Variants in PHACTR3 observed in about 807,000 individuals in gnomAD.
The protein encoded by PHACTR3 is protein phosphatase 1, regulatory subunit 123.
A neutral mutation model predicts 66.8 loss-of-function variants in PHACTR3; 16 were observed. The ratio of observed to expected loss-of-function variants is 0.24; its 90% CI spans 0.16 to 0.36. PHACTR3 has a LOEUF of 0.36. PHACTR3 is among the 10% of genes least tolerant of loss of function. The pLI is 1.00. For synonymous variants in PHACTR3, 323 were observed against 292.1 expected (o/e 1.11, Z -1.08); for missense variants, 647 against 719.9 (o/e 0.90, Z 1.16).
At chr20:59,815,787 A>G (rs1427238450) in intron 8 of PHACTR3, among the ~76,000 whole-genome samples, 1 of 152,074 alleles carries the variant, frequency 6.6e-6, no homozygotes, top group African/African-American at 2.4e-5. Flanking sequence ...GTGATCATTT[A>G]TCTTTATGGA....
chr20:59,674,599 G>A (rs57317181), intron 1 of PHACTR3, among the ~76,000 whole-genome samples: 8 of 27,284 alleles, frequency 2.9e-4, no homozygotes, highest in African/African-American at 1.3e-3. Context: ...TCCTGTCCCC[G>A]CTTCTCCTGT....
chr20:59,819,890 G>T (rs1176477096), intron 8 of PHACTR3, among the ~76,000 whole-genome samples: 1 of 152,256 alleles, frequency 6.6e-6, no homozygotes, highest in East Asian at 1.9e-4. Flanking sequence ...GCTGAGGCAT[G>T]CAGGGCTCTG....
At chr20:59,676,272 G>A (rs2036444638) in intron 1 of PHACTR3, among the ~76,000 whole-genome samples, 1 of 152,214 alleles carries the variant, frequency 6.6e-6, no homozygotes, top group Non-Finnish European at 1.5e-5. Flanking sequence ...CAGGACTTTG[G>A]TTCAGGTGGT....
chr20:59,824,004 C>T (rs952562635), intron 8 of PHACTR3, among the ~76,000 whole-genome samples: 1 of 152,248 alleles, frequency 6.6e-6, no homozygotes, highest in Admixed American at 6.5e-5. Flanking sequence ...GCCACGAAGT[C>T]AGCACGGGAT....
At chr20:59,737,033 C>T (rs2038968499) in intron 1 of PHACTR3, among the ~76,000 whole-genome samples, 1 of 152,150 alleles carries the variant, frequency 6.6e-6, no homozygotes, top group South Asian at 2.1e-4. Flanking sequence ...GTCTTTTGAG[C>T]TGAAGACCCT....
At chr20:59,716,206 TTGTGTGTGTGTGTG>T (rs201782505) in intron 1 of PHACTR3, among the ~76,000 whole-genome samples, 2,408 of 128,596 alleles carry the variant, frequency 0.019, 33 homozygotes, top group Non-Finnish European at 0.021. Flanking sequence ...CCTTCACCCT[TTGTGTGTGTGTGTG>T]TGTGTGTGTG....
intron 1 of PHACTR3, among the ~76,000 whole-genome samples, chr20:59,652,428 G>A (rs2035486621): frequency 6.6e-6 from 1 of 152,278 alleles, no homozygotes; most frequent in East Asian, 1.9e-4. Context: ...ACACTTGTCT[G>A]TAGTGCCAGC....
At chr20:59,840,945 G>A (rs2059047128) in intron 10 of PHACTR3, among the ~76,000 whole-genome samples, 1 of 152,146 alleles carries the variant, frequency 6.6e-6, no homozygotes, top group African/African-American at 2.4e-5. Context: ...TTAAAGCCTT[G>A]ACCATTTCTA....
In PHACTR3 at chr20:59,786,564, G is replaced by A. The variant is rs116269231; in HGVS notation, c.1174+12074G>A. Among the ~76,000 whole-genome samples the A allele has an allele frequency of 2.9e-3, 440 of 152,308 alleles. 1 individual carries two copies. Among genetic ancestry groups the A allele is most frequent in the African/African-American group, 5.2e-3 (216 of 41,572 alleles). ...ACAGGTCAGGGTGGCCATTGTGCGC[G>A]GCATGGCACTTAGCACAGCTGAGCA... On this transcript the variant is annotated intron_variant, in intron 7 of 12. Transcript: ENST00000371015.
At chr20:59,614,987 C>T (rs2033981312) in intron 1 of PHACTR3, among the ~76,000 whole-genome samples, 1 of 152,126 alleles carries the variant, frequency 6.6e-6, no homozygotes, top group African/African-American at 2.4e-5. Context: ...TGATGACCTC[C>T]ACGGTGTCAG....
intron 3 of PHACTR3, among the ~76,000 whole-genome samples, chr20:59,753,496 C>T (rs1282726104): frequency 6.6e-6 from 1 of 152,174 alleles, no homozygotes; most frequent in Non-Finnish European, 1.5e-5. Context: ...TGTCCTAAGC[C>T]TGCTGTTAGC....
intron 1 of PHACTR3, among the ~76,000 whole-genome samples, chr20:59,629,359 G>A (rs2034581896): frequency 6.6e-6 from 1 of 152,236 alleles, no homozygotes; most frequent in South Asian, 2.1e-4. Context: ...AGAAGGCCCA[G>A]CCTTCCCCTT....
At chr20:59,591,773 A>T (rs2033189070) in intron 1 of PHACTR3, among the ~76,000 whole-genome samples, 1 of 152,124 alleles carries the variant, frequency 6.6e-6, no homozygotes, top group African/African-American at 2.4e-5. Context: ...CGCAGAAACC[A>T]TGTGGCTCCC....
At chr20:59,776,667 A>T (rs2040548465) in intron 7 of PHACTR3, among the ~76,000 whole-genome samples, 1 of 151,824 alleles carries the variant, frequency 6.6e-6, no homozygotes. Flanking sequence ...TTATTTAAAC[A>T]CAGAAGAGGA....
intron 1 of PHACTR3, among the ~76,000 whole-genome samples, chr20:59,731,767 G>T (rs568223112): frequency 6.6e-6 from 1 of 152,238 alleles, no homozygotes; most frequent in Non-Finnish European, 1.5e-5. Context: ...GCATCATTGC[G>T]TGCAGGGTGC....
intron 1 of PHACTR3, among the ~76,000 whole-genome samples, chr20:59,590,076 A>G (rs2033143906): frequency 6.6e-6 from 1 of 152,140 alleles, no homozygotes; most frequent in Non-Finnish European, 1.5e-5. Context: ...TGGGAAATAT[A>G]TGGTACTGGT....
chr20:59,673,878 T>G (rs2036280025), intron 1 of PHACTR3, among the ~76,000 whole-genome samples: 2 of 152,166 alleles, frequency 1.3e-5, no homozygotes, highest in African/African-American at 2.4e-5. Context: ...TTTCCTCACC[T>G]GACCTGCACA....
chr20:59,646,935 A>C (rs1224226023), intron 1 of PHACTR3, among the ~76,000 whole-genome samples: 1 of 152,214 alleles, frequency 6.6e-6, no homozygotes, highest in Non-Finnish European at 1.5e-5. Flanking sequence ...GGGACCAGGC[A>C]GGGCTCATTA....
At chr20:59,633,420 A>G (rs1228735096) in intron 1 of PHACTR3, among the ~76,000 whole-genome samples, 2 of 152,188 alleles carry the variant, frequency 1.3e-5, no homozygotes, top group Non-Finnish European at 2.9e-5. Context: ...CAAATACCAC[A>G]TGCTCTCACT....
Sources: gnomAD v4.1 joint callset for allele counts (sites outside exome capture counted in the v4.1 genomes callset) on GRCh38, gnomAD v4.1.1 for gene constraint, MANE v1.5 for transcripts, NCBI Gene and HGNC (gene_info 2026-07-23, HGNC 2026-07-21) for gene names.